RHOT1: variants seen among roughly 807,000 people sequenced by gnomAD.
RHOT1 encodes the protein mitochondrial Rho GTPase 1.
In RHOT1, 27 loss-of-function variants were observed where a neutral mutation model predicts 95.3. That is an observed-to-expected ratio of 0.28 (90% CI 0.21 to 0.39). The LOEUF (loss-of-function observed/expected upper bound fraction) is 0.39. Ranked by LOEUF, RHOT1 falls within the 10% of genes least tolerant of loss-of-function variation. The pLI is 1.00. For synonymous variants in RHOT1, 227 were observed against 263.5 expected, an observed-to-expected ratio of 0.86 and a Z score of 1.34; for missense variants, 578 against 786.7, an observed-to-expected ratio of 0.73 and a Z score of 3.17.
chr17:32,218,160 TC>T (rs1267855585), intron 19 of RHOT1, among the ~76,000 whole-genome samples: 4 of 151,744 alleles, frequency 2.6e-5, no homozygotes, highest in South Asian at 2.1e-4. Flanking sequence ...ACCATGCCCG[TC>T]CTCAGAAGAC....
chr17:32,202,942 T>C (rs747557560), intron 15 of RHOT1, 42 bp downstream of exon 15: 2 of 1,585,666 alleles, frequency 1.3e-6, no homozygotes, highest in South Asian at 2.3e-5. Flanking sequence ...AACAAATTTT[T>C]ATAGTTACTA....
chr17:32,206,263 C>T (rs561475524), intron 16 of RHOT1, among the ~76,000 whole-genome samples: 4 of 126,186 alleles, frequency 3.2e-5, no homozygotes, highest in East Asian at 2.3e-4. Flanking sequence ...TGGAATGCAG[C>T]GGCGTGATCT....
chr17:32,191,534 AT>A (rs1447708766), intron 8 of RHOT1, among the ~76,000 whole-genome samples: 4 of 152,230 alleles, frequency 2.6e-5, no homozygotes, highest in Admixed American at 2.6e-4. Context: ...TCATATATTT[AT>A]TCTATCCATG....
At chr17:32,147,561 C>T (rs1416543046) in intron 1 of RHOT1, among the ~76,000 whole-genome samples, 1 of 152,024 alleles carries the variant, frequency 6.6e-6, no homozygotes, top group South Asian at 2.1e-4. Flanking sequence ...CGGTGGCTCA[C>T]ACCTGTAATC....
Position 32,158,932 on chromosome 17 carries a change from G to A in RHOT1, c.38-12111G>A, listed in dbSNP as rs191812405. Among the ~76,000 whole-genome samples the A allele has an allele frequency of 6.4e-4, 97 of 152,306 alleles. 1 individual carries two copies. The highest frequency in any genetic ancestry group is 2.2e-3 in the African/African-American group (93 of 41,558). On this transcript the variant is annotated intron_variant, in intron 1 of 19. Transcript: ENST00000545287. ...TCAGCTGCAGCAGGGAGGCGCAAGC[G>A]GTGGCAGCAGGAGTGGCTGCTGGAG...
chr17:32,166,345 G>A (rs2034086405), intron 1 of RHOT1, among the ~76,000 whole-genome samples: 1 of 152,124 alleles, frequency 6.6e-6, no homozygotes, highest in Admixed American at 6.5e-5. Context: ...CCTTTTTGCT[G>A]GTGGAGAGTC....
intron 1 of RHOT1, among the ~76,000 whole-genome samples, chr17:32,149,717 A>G (rs1026817690): frequency 6.9e-6 from 1 of 145,586 alleles, no homozygotes; most frequent in Admixed American, 6.8e-5. Flanking sequence ...ACACATACAC[A>G]TATATATACA....
At chr17:32,189,579 A>G (rs1052272534) in intron 8 of RHOT1, among the ~76,000 whole-genome samples, 6 of 152,120 alleles carry the variant, frequency 3.9e-5, no homozygotes, top group African/African-American at 1.2e-4. Context: ...AGAGTAAAAT[A>G]TCTACCACCA....
chr17:32,192,261 G>A lies in RHOT1; in HGVS notation c.601G>A (p.Asp201Asn). 1 of 1,582,470 alleles carries A rather than the reference G, an allele frequency of 6.3e-7. No homozygotes were observed. Among genetic ancestry groups the A allele is most frequent in the Non-Finnish European group, 8.6e-7 (1 of 1,162,810 alleles). The change falls in exon 9 of 20, where the codon GAT becomes AAT. Residue 201 changes from aspartate to asparagine, a missense_variant. Physicochemically the swap from Asp to Asn is conservative, Grantham distance 23 (BLOSUM62 1). Transcript: ENST00000545287. ...ATTTAAAATATCTGATCAAGATAATGATGGTACTCTCAATGATGCTGAACT... is the reference window on the plus strand; with the variant it reads ...ATTTAAAATATCTGATCAAGATAATAATGGTACTCTCAATGATGCTGAACT... ...RIFKISDQDN[D>N]GTLNDAELNF...
intron 15 of RHOT1, among the ~76,000 whole-genome samples, chr17:32,203,680 G>A (rs1255695627): frequency 1.3e-5 from 2 of 152,130 alleles, no homozygotes; most frequent in East Asian, 1.9e-4. Flanking sequence ...GCTACTGCTT[G>A]TACTTTATGC....
chr17:32,198,905 AT>A (rs1238620544), intron 11 of RHOT1, 41 bp from the exon 12 acceptor site: 1 of 1,303,472 alleles, frequency 7.7e-7, no homozygotes. Flanking sequence ...AAATTTTAAC[AT>A]TTGATTAATG....
chr17:32,179,800 G>GA (rs1273752068), intron 6 of RHOT1: 2 of 152,000 alleles, frequency 1.3e-5, no homozygotes, highest in Non-Finnish European at 1.4e-5. Flanking sequence ...TCTGGGAAGT[G>GA]GGGAGCGCCT....
At chr17:32,175,280 T>G (rs1259769935) in intron 3 of RHOT1, 39 bp from the exon 4 acceptor site, 1 of 1,579,012 alleles carries the variant, frequency 6.3e-7, no homozygotes, top group Non-Finnish European at 8.7e-7. Flanking sequence ...TTTATGAAAG[T>G]GTCTGCAATA....
intron 15 of RHOT1, among the ~76,000 whole-genome samples, chr17:32,203,354 C>T (rs1433874546): frequency 6.9e-6 from 1 of 144,486 alleles, no homozygotes; most frequent in Non-Finnish European, 1.5e-5. Context: ...TGGCTCACTG[C>T]AGCCTCAACC....
chr17:32,177,950 G>A (rs1448480702), intron 6 of RHOT1, among the ~76,000 whole-genome samples: 2 of 150,324 alleles, frequency 1.3e-5, no homozygotes, highest in Admixed American at 6.6e-5. Flanking sequence ...TCAGCCTCCC[G>A]AGTAGCTGGG....
In RHOT1 at chr17:32,152,492, C is replaced by T. The variant is rs560529771; in HGVS notation, c.37+9763C>T. Among the ~76,000 whole-genome samples the T allele has an allele frequency of 2.6e-5, 4 of 152,194 alleles. No homozygotes were observed. In the South Asian group the frequency reaches 8.3e-4, roughly 32 times the overall value. On this transcript the variant is annotated intron_variant, in intron 1 of 19. Coordinates refer to ENST00000545287, the MANE Select transcript of RHOT1 (RefSeq NM_001033566.3). ...AAGAAGAGAGATGAAGGTCTTTTCT[C>T]TCTTGGACCTTCAGACACCCACTTG...
intron 1 of RHOT1, among the ~76,000 whole-genome samples, chr17:32,147,563 C>T (rs899878793): frequency 1.3e-5 from 2 of 152,048 alleles, no homozygotes; most frequent in Non-Finnish European, 2.9e-5. Context: ...GTGGCTCACA[C>T]CTGTAATCCC....
intron 1 of RHOT1, among the ~76,000 whole-genome samples, chr17:32,146,391 C>G (rs1192272537): frequency 1.3e-5 from 2 of 152,016 alleles, no homozygotes; most frequent in Non-Finnish European, 2.9e-5. Context: ...TTTTCCAAAC[C>G]ACTCCTCTTT....
At chr17:32,148,536 A>T (rs141058020) in intron 1 of RHOT1, among the ~76,000 whole-genome samples, 144 of 152,352 alleles carry the variant, frequency 9.5e-4, no homozygotes, top group African/African-American at 3.0e-3. Flanking sequence ...GCTGAGCGAT[A>T]GCTTTTGTTC....
Sources: gnomAD v4.1 joint callset for allele counts (sites outside exome capture counted in the v4.1 genomes callset) on GRCh38, gnomAD v4.1.1 for gene constraint, MANE v1.5 for transcripts, NCBI Gene and HGNC (gene_info 2026-07-23, HGNC 2026-07-21) for gene names.